The following COA1 variants were observed in gnomAD, a reference collection of about 807,000 sequenced individuals.
COA1 encodes cytochrome c oxidase assembly factor 1.
A neutral mutation model predicts 16.0 loss-of-function variants in COA1; 13 were observed. The observed-to-expected ratio is 0.81, with a 90% CI of 0.53 to 1.29. The LOEUF is 1.29. COA1 is among the 50% of genes most tolerant of loss of function. COA1 has a pLI of 0.00. For synonymous variants in COA1, 65 were observed against 65.7 expected (o/e 0.99, Z 0.05); for missense variants, 179 against 177.0 (o/e 1.01, Z -0.06).
chr7:43,715,746 G>T (rs1404280008), intron 1 of COA1, among the ~76,000 whole-genome samples: 1 of 152,128 alleles, frequency 6.6e-6, no homozygotes, highest in Non-Finnish European at 1.5e-5. Flanking sequence ...GTAGTATTTA[G>T]AGACACAATA....
chr7:43,609,632 C>A (rs772671400), intron 6 of COA1: 3 of 152,182 alleles, frequency 2.0e-5, no homozygotes, highest in Non-Finnish European at 4.4e-5. Context: ...CATATCAAGT[C>A]CAGGTGCAAC....
chr7:43,665,750 T>C (rs532033984), intron 1 of COA1: 1 of 152,188 alleles, frequency 6.6e-6, no homozygotes. Flanking sequence ...GGAGAGAAAG[T>C]GAAAAGCCCA....
intron 1 of COA1, among the ~76,000 whole-genome samples, chr7:43,714,938 T>C (rs1206622705): frequency 2.2e-5 from 3 of 133,346 alleles, no homozygotes; most frequent in African/African-American, 8.7e-5. Flanking sequence ...GCCCGGGAGG[T>C]AGCAGTTGCA....
chr7:43,725,298 C>T (rs771501301), intron 1 of COA1, among the ~76,000 whole-genome samples: 3 of 151,612 alleles, frequency 2.0e-5, no homozygotes, highest in South Asian at 2.1e-4. Context: ...TATGGTTACA[C>T]AACAATGTTA....
At chr7:43,608,542 C>G (rs748602665) in exon 7 of COA1, 70 of 917,132 alleles carry the variant, frequency 7.6e-5, no homozygotes, top group Middle Eastern at 6.9e-4. Context: ...TTACTCCTAT[C>G]CTCTAGCCAG....
At chr7:43,612,859 G>A (rs1466210090) in intron 6 of COA1, among the ~76,000 whole-genome samples, 2 of 151,836 alleles carry the variant, frequency 1.3e-5, no homozygotes, top group African/African-American at 2.4e-5. Flanking sequence ...GTAAAAGTAT[G>A]AGTCCATACA....
chr7:43,661,699 G>T (rs2092451046), intron 1 of COA1, among the ~76,000 whole-genome samples: 1 of 151,996 alleles, frequency 6.6e-6, no homozygotes, highest in South Asian at 2.1e-4. Flanking sequence ...ACAATCCAGG[G>T]TTTCTATCTA....
chr7:43,652,833 T>C (rs2091061202), intron 1 of COA1, among the ~76,000 whole-genome samples: 1 of 126,550 alleles, frequency 7.9e-6, no homozygotes. Context: ...GGATTACATA[T>C]CATCCAGCCT....
At chr7:43,650,202 G>C (rs932603258) in intron 1 of COA1, 1 of 152,372 alleles carries the variant, frequency 6.6e-6, no homozygotes, top group East Asian at 1.9e-4. Context: ...GGACAGGGGT[G>C]GGCAGATGGG....
At chr7:43,647,412 C>T in intron 3 of COA1, 123 bp downstream of exon 3, 1 of 755,330 alleles carries the variant, frequency 1.3e-6, no homozygotes. Context: ...GTGGACTAGC[C>T]TTTAAAATCA....
At chr7:43,677,020 T>G (rs1311892764) in intron 1 of COA1, among the ~76,000 whole-genome samples, 5 of 152,210 alleles carry the variant, frequency 3.3e-5, no homozygotes, top group African/African-American at 1.2e-4. Flanking sequence ...TAAGTCCCCT[T>G]GGGGTGGGTC....
chr7:43,701,900 T>C (rs1315603032), intron 1 of COA1, among the ~76,000 whole-genome samples: 2 of 152,138 alleles, frequency 1.3e-5, no homozygotes, highest in Admixed American at 6.6e-5. Flanking sequence ...TGTCTGTTCA[T>C]GTCCCCTGCC....
chr7:43,703,427 G>A (rs946332640), intron 1 of COA1, among the ~76,000 whole-genome samples: 1 of 152,028 alleles, frequency 6.6e-6, no homozygotes, highest in Non-Finnish European at 1.5e-5. Context: ...CTGTCAGCAG[G>A]GTATTGAAGT....
chr7:43,654,272 T>TC (rs1291917719), intron 1 of COA1, among the ~76,000 whole-genome samples: 2 of 152,178 alleles, frequency 1.3e-5, no homozygotes, highest in African/African-American at 4.8e-5. Context: ...CCACTCTGTT[T>TC]CTATATCCAT....
chr7:43,608,992 GAAAAAC>G (rs2082656985), exon 7 of COA1: 1 of 152,276 alleles, frequency 6.6e-6, no homozygotes, highest in South Asian at 2.1e-4. Flanking sequence ...AGGAAGGAAA[GAAAAAC>G]AAAGGACAGT....
chr7:43,679,797 G>A (rs1379152132), intron 1 of COA1, among the ~76,000 whole-genome samples: 2 of 152,092 alleles, frequency 1.3e-5, no homozygotes, highest in African/African-American at 4.8e-5. Flanking sequence ...AAGGAAAAGG[G>A]GTCAGGAAAG....
intron 4 of COA1, chr7:43,641,594 G>A (rs923047984): frequency 1.4e-4 from 21 of 151,910 alleles, no homozygotes; most frequent in Admixed American, 1.4e-3. Flanking sequence ...CCAGGAAATT[G>A]GTACATATTT....
intron 6 of COA1, among the ~76,000 whole-genome samples, chr7:43,630,094 C>T (rs908296373): frequency 3.9e-5 from 6 of 152,072 alleles, no homozygotes; most frequent in African/African-American, 9.7e-5. Flanking sequence ...CTACACCGCG[C>T]GGGTGAACAG....
intron 1 of COA1, among the ~76,000 whole-genome samples, chr7:43,699,612 T>G (rs778249983): frequency 6.6e-6 from 1 of 152,158 alleles, no homozygotes; most frequent in Non-Finnish European, 1.5e-5. Context: ...ACAATTGTGA[T>G]AGAGAATGTT....
Sources: allele counts gnomAD v4.1 joint callset (sites outside exome capture counted in the v4.1 genomes callset), GRCh38; gene constraint gnomAD v4.1.1; transcripts MANE v1.5; gene names NCBI Gene and HGNC (gene_info 2026-07-23, HGNC 2026-07-21).